Variants in PLD1 observed in about 807,000 individuals in gnomAD.
The protein encoded by PLD1 is choline phosphatase 1.
A neutral mutation model predicts 137.1 loss-of-function variants in PLD1; 112 were observed. The observed-to-expected ratio is 0.82, with a 90% CI of 0.70 to 0.96. The LOEUF is 0.96. Ranked by LOEUF, PLD1 falls within the 40% of genes least tolerant of loss-of-function variation. The pLI is 0.00. For missense variants in PLD1, 1,321 were observed against 1,342.0 expected, an observed-to-expected ratio of 0.98 and a Z score of 0.24; for synonymous variants, 431 against 454.7, an observed-to-expected ratio of 0.95 and a Z score of 0.66.
At chr3:171,699,696 C>G in intron 12 of PLD1, 49 bp downstream of exon 12, 1 of 1,319,456 alleles carries the variant, frequency 7.6e-7, no homozygotes, top group Admixed American at 1.7e-5. Flanking sequence ...ATTTCAGAGA[C>G]AACAGACAGT....
At chr3:171,761,788 C>T (rs1721413046) in intron 1 of PLD1, among the ~76,000 whole-genome samples, 1 of 152,162 alleles carries the variant, frequency 6.6e-6, no homozygotes, top group Admixed American at 6.5e-5. Flanking sequence ...AAGATGTGGA[C>T]CAGTTTTTAT....
chr3:171,758,437 C>T (rs1305808057), intron 1 of PLD1, among the ~76,000 whole-genome samples: 4 of 152,192 alleles, frequency 2.6e-5, no homozygotes, highest in African/African-American at 9.7e-5. Flanking sequence ...CACCTTTCCC[C>T]ACCATCTGTC....
At chr3:171,609,507 AACACACAC>A (rs371080467) in intron 25 of PLD1, among the ~76,000 whole-genome samples, 2,966 of 136,940 alleles carry the variant, frequency 0.022, 70 homozygotes, top group African/African-American at 0.054. Flanking sequence ...ACATAAAGAA[AACACACAC>A]ACACACACAC....
intron 1 of PLD1, among the ~76,000 whole-genome samples, chr3:171,751,901 G>A (rs980357777): frequency 7.9e-5 from 12 of 152,098 alleles, no homozygotes; most frequent in African/African-American, 2.9e-4. Flanking sequence ...TCTTTGGGAA[G>A]CTGGGGCAGG....
At position 171,726,011 on chromosome 3, in the gene PLD1, A is replaced by G; in HGVS notation, c.665+7T>C. On this transcript the variant is annotated splice_region_variant and intron_variant, in intron 7 of 26. Coordinates refer to ENST00000351298, the MANE Select transcript of PLD1 (RefSeq NM_002662.5). The stretch of plus-strand genomic sequence containing the variant: ...ATACTTCTCTTTTAAGGTTTATTGC[A>G]ACTTACATGCCCTTTGGTCCCAAAT... The G allele has an allele frequency of 6.3e-7, 1 of 1,591,164 alleles. No individual in the cohort carries two copies. Among genetic ancestry groups the G allele is most frequent in the South Asian group, 1.1e-5 (1 of 90,622 alleles).
At chr3:171,739,892 T>C (rs1052846751) in intron 1 of PLD1, among the ~76,000 whole-genome samples, 1 of 152,210 alleles carries the variant, frequency 6.6e-6, no homozygotes, top group Admixed American at 6.5e-5. Flanking sequence ...TTTGTAGATA[T>C]GTAAGTGCTT....
At chr3:171,771,310 A>T (rs138195637) in intron 1 of PLD1, 140 of 152,438 alleles carry the variant, frequency 9.2e-4, no homozygotes, top group African/African-American at 3.2e-3. Flanking sequence ...CTACCCTGAG[A>T]ATCCAAATAA....
At chr3:171,768,570 C>G (rs1722137277) in intron 1 of PLD1, among the ~76,000 whole-genome samples, 1 of 152,226 alleles carries the variant, frequency 6.6e-6, no homozygotes, top group African/African-American at 2.4e-5. Context: ...GTTCGACGGT[C>G]AGAAAATTCA....
chr3:171,711,041 T>C (rs997613314), intron 9 of PLD1, among the ~76,000 whole-genome samples: 3 of 150,012 alleles, frequency 2.0e-5, no homozygotes, highest in African/African-American at 7.4e-5. Context: ...GCCCGGCTAA[T>C]TTTGTATTTT....
chr3:171,764,873 AAGAAAGAAAG>A (rs1472718767), intron 1 of PLD1, among the ~76,000 whole-genome samples: 7 of 26,122 alleles, frequency 2.7e-4, no homozygotes, highest in African/African-American at 1.1e-3. Context: ...GAAAGAAAGA[AAGAAAGAAAG>A]AAAGAAAGAA....
intron 1 of PLD1, among the ~76,000 whole-genome samples, chr3:171,755,749 G>C (rs545998914): frequency 6.6e-6 from 1 of 152,222 alleles, no homozygotes; most frequent in South Asian, 2.1e-4. Context: ...TCTCTGTATT[G>C]CCCATCACTA....
At chr3:171,645,530 A>G (rs950358872) in intron 21 of PLD1, among the ~76,000 whole-genome samples, 2 of 152,158 alleles carry the variant, frequency 1.3e-5, no homozygotes, top group East Asian at 3.8e-4. Context: ...AGAAGTCATC[A>G]TTATCTACTT....
At chr3:171,675,167 C>T (rs1193632510) in intron 18 of PLD1, among the ~76,000 whole-genome samples, 1 of 151,950 alleles carries the variant, frequency 6.6e-6, no homozygotes, top group African/African-American at 2.4e-5. Context: ...TTTGTAAAGA[C>T]AGGTTAAATA....
At chr3:171,692,055 G>A (rs566617424) in intron 13 of PLD1, among the ~76,000 whole-genome samples, 3 of 152,246 alleles carry the variant, frequency 2.0e-5, no homozygotes, top group Admixed American at 6.5e-5. Flanking sequence ...GATAGAGCTC[G>A]TGAATATCAA....
rs374719323 is a variant in PLD1, at chr3:171,688,812, A to T, written c.1403T>A (p.Val468Asp). 4.3e-5 allele frequency: 69 copies of T among 1,614,032 alleles called. No individual in the cohort carries two copies. The highest frequency in any genetic ancestry group is 1.2e-4 in the Admixed American group (7 of 60,000). ...AAAGGCCACCGATTGGTCAATGATG[A>T]CAAGCTTCTCATGGTGAGCCCACAA... is the stretch of plus-strand genomic sequence containing the variant. ...VYLWAHHEKL[V>D]IIDQSVAFVG... is the part of the protein sequence containing the mutation. The change falls in exon 14 of 27, where the codon GTC becomes GAC. Residue 468 changes from valine (V) to aspartate (D), a missense_variant. Transcript: ENST00000351298.
At chr3:171,714,522 CCAGA>C (rs2108217974) in intron 8 of PLD1, among the ~76,000 whole-genome samples, 1 of 152,228 alleles carries the variant, frequency 6.6e-6, no homozygotes, top group Admixed American at 6.5e-5. Context: ...ATAGTGCATA[CCAGA>C]CAAAGTAAAG....
chr3:171,728,025 C>G (rs1423514111), intron 6 of PLD1, among the ~76,000 whole-genome samples: 1 of 152,098 alleles, frequency 6.6e-6, no homozygotes, highest in Non-Finnish European at 1.5e-5. Flanking sequence ...AAGTCAAGGT[C>G]TCAGTCAGGC....
chr3:171,700,034 TTCTCTCTC>T (rs112036117), intron 11 of PLD1, among the ~76,000 whole-genome samples: 6 of 148,600 alleles, frequency 4.0e-5, no homozygotes, highest in Non-Finnish European at 7.5e-5. Flanking sequence ...TCTTAGTTCT[TTCTCTCTC>T]TCTCTCTCTC....
chr3:171,714,101 G>A, intron 8 of PLD1, 56 bp from the exon 9 acceptor site: 4 of 1,072,930 alleles, frequency 3.7e-6, no homozygotes, highest in Non-Finnish European at 4.3e-6. Context: ...AAAACGAGAA[G>A]AACTAATCAT....
Sources: gnomAD v4.1 joint callset for allele counts (sites outside exome capture counted in the v4.1 genomes callset) on GRCh38, gnomAD v4.1.1 for gene constraint, MANE v1.5 for transcripts, NCBI Gene and HGNC (gene_info 2026-07-23, HGNC 2026-07-21) for gene names.